The following FAM120C variants were observed in gnomAD, a reference collection of about 807,000 sequenced individuals.
The protein encoded by FAM120C is constitutive coactivator of PPAR-gamma-like protein 2.
Under a neutral mutation model 71.2 loss-of-function variants are expected in FAM120C, and 14 were observed. The ratio of observed to expected loss-of-function variants is 0.20; its 90% confidence interval spans 0.13 to 0.31. The LOEUF (loss-of-function observed/expected upper bound fraction) is 0.31, where lower values mean the gene tolerates loss of function less well. FAM120C is among the 10% of genes least tolerant of loss of function. FAM120C has a pLI of 1.00. For missense variants in FAM120C, 500 were observed against 879.0 expected, an observed-to-expected ratio of 0.57 and a Z score of 5.45; for synonymous variants, 354 against 353.2, an observed-to-expected ratio of 1.00 and a Z score of -0.03.
intron 9 of FAM120C, among the ~76,000 whole-genome samples, chrX:54,131,933 T>C (rs1400702947): frequency 9.5e-6 from 1 of 105,228 alleles, no homozygotes; most frequent in Non-Finnish European, 1.9e-5. Flanking sequence ...TTGTATTTTT[T>C]AGTAGAGATG....
At chrX:54,078,729 A>G (rs1302418634) in intron 15 of FAM120C, among the ~76,000 whole-genome samples, 2 of 110,855 alleles carry the variant, frequency 1.8e-5, no homozygotes, top group African/African-American at 3.3e-5. Flanking sequence ...CTGCTATACT[A>G]TAAGAAGCCC....
At chrX:54,075,033 C>T (rs1041140253) in intron 15 of FAM120C, among the ~76,000 whole-genome samples, 7 of 111,498 alleles carry the variant, frequency 6.3e-5, no homozygotes, top group Non-Finnish European at 1.3e-4. Context: ...TGGCATGCAC[C>T]TGTAGTCCAA....
At chrX:54,162,745 A>G (rs782415817) in intron 1 of FAM120C, among the ~76,000 whole-genome samples, 28 of 112,070 alleles carry the variant, frequency 2.5e-4, no homozygotes, top group South Asian at 1.5e-3. Flanking sequence ...TTAAGTACCT[A>G]CTATGTACCA....
chrX:54,075,593 T>C (rs932748612), intron 15 of FAM120C, among the ~76,000 whole-genome samples: 2 of 107,402 alleles, frequency 1.9e-5, no homozygotes, highest in Non-Finnish European at 3.9e-5. Context: ...GGTCAGGGGT[T>C]GAGCACCAGC....
intron 10 of FAM120C, among the ~76,000 whole-genome samples, chrX:54,100,504 TAAAC>T (rs1441516375): frequency 4.7e-5 from 5 of 106,039 alleles, no homozygotes; most frequent in Admixed American, 3.1e-4. Context: ...AACAAACAAA[TAAAC>T]AAACAAACAA....
Position 54,080,308 on chromosome X carries a change from A to G in FAM120C, c.2979-19T>C, listed in dbSNP as rs782123804. On this transcript the variant is annotated intron_variant, in intron 14 of 15. Transcript: ENST00000375180. ...TCCATGCCTTTAGCAAGTGAGAAAA[A>G]AAGTGATCATGAGAAACATAAAGCC... The G allele has an allele frequency of 5.1e-6, 6 of 1,180,097 alleles. No individual in the cohort carries two copies. Among genetic ancestry groups the G allele is most frequent in the Non-Finnish European group, 6.9e-6 (6 of 870,169 alleles).
Position 54,069,059 on chromosome X carries a change from G to T in FAM120C, c.*3974C>A, listed in dbSNP as rs2066699628. 1.8e-5 allele frequency: 2 copies of T among 111,345 alleles called. No homozygotes were observed. The highest frequency in any genetic ancestry group is 6.5e-5 in the African/African-American group (2 of 30,597). 9.2% of individuals were successfully genotyped at this position (111,345 alleles called of 1,213,427 possible). ...GCTGAAATGGGCACCCTAGCACAGG[G>T]GATTTTTTTATTTTGCTTTTAACTT... On this transcript the variant is annotated 3_prime_UTR_variant, in exon 16 of 16. Coordinates refer to ENST00000375180, the MANE Select transcript of FAM120C (RefSeq NM_017848.6).
intron 1 of FAM120C, among the ~76,000 whole-genome samples, chrX:54,173,556 A>G (rs1407691964): frequency 1.8e-5 from 2 of 112,447 alleles, no homozygotes; most frequent in African/African-American, 6.5e-5. Context: ...CTGTATACTG[A>G]TATTTCTTAC....
At chrX:54,075,523 G>A (rs782719487) in intron 15 of FAM120C, among the ~76,000 whole-genome samples, 1 of 112,193 alleles carries the variant, frequency 8.9e-6, no homozygotes, top group Non-Finnish European at 1.9e-5. Flanking sequence ...AGGCGGCCAG[G>A]CGCTGTGGCT....
At chrX:54,145,498 A>C (rs937477358) in intron 4 of FAM120C, among the ~76,000 whole-genome samples, 1 of 112,342 alleles carries the variant, frequency 8.9e-6, no homozygotes, top group African/African-American at 3.2e-5. Context: ...TGGGTGAAGG[A>C]TATGAAAAGA....
At chrX:54,163,578 A>C (rs2067244441) in intron 1 of FAM120C, among the ~76,000 whole-genome samples, 1 of 111,369 alleles carries the variant, frequency 9.0e-6, no homozygotes, top group Non-Finnish European at 1.9e-5. Flanking sequence ...AATCTTCTGG[A>C]ATTAGTGGTG....
At chrX:54,110,570 T>G (rs1557125539) in intron 10 of FAM120C, among the ~76,000 whole-genome samples, 1 of 110,937 alleles carries the variant, frequency 9.0e-6, no homozygotes, top group Non-Finnish European at 1.9e-5. Flanking sequence ...ACTGTACTAT[T>G]ATTCTAATTT....
intron 10 of FAM120C, among the ~76,000 whole-genome samples, chrX:54,110,831 G>A (rs139447640): frequency 0.029 from 3,237 of 110,680 alleles, 119 homozygotes; most frequent in African/African-American, 0.1. Context: ...AGGCTGAGGC[G>A]GGAGGATCAC....
chrX:54,084,864 A>G lies in FAM120C; in HGVS notation c.2839+851T>C, dbSNP rs1212371314. Reference sequence around the variant, plus strand: ...AATTTATACATATGTTTGTGTGTACATATGTGTGTGTGTGTGTATGTTTTC... The same window carrying G: ...AATTTATACATATGTTTGTGTGTACGTATGTGTGTGTGTGTGTATGTTTTC... On this transcript the variant is annotated intron_variant, in intron 13 of 15. Transcript: ENST00000375180. Among the ~76,000 whole-genome samples the G allele has an allele frequency of 3.1e-4, 35 of 111,863 alleles. No homozygotes were observed. In the Admixed American group the frequency reaches 3.3e-3, roughly 10 times the overall value.
chrX:54,145,493 G>A (rs1410384716), intron 4 of FAM120C, among the ~76,000 whole-genome samples: 1 of 112,023 alleles, frequency 8.9e-6, no homozygotes, highest in Non-Finnish European at 1.9e-5. Context: ...AAAAGTGGGT[G>A]AAGGATATGA....
At chrX:54,099,708 A>G (rs1274251401) in intron 10 of FAM120C, among the ~76,000 whole-genome samples, 1 of 112,300 alleles carries the variant, frequency 8.9e-6, no homozygotes, top group African/African-American at 3.2e-5. Context: ...ATATCCAACC[A>G]TCTGTTGTAA....
chrX:54,181,956 G>A (rs1307642096), intron 1 of FAM120C, among the ~76,000 whole-genome samples: 3 of 112,247 alleles, frequency 2.7e-5, no homozygotes, highest in Non-Finnish European at 5.6e-5. Flanking sequence ...AAGGCAGGAG[G>A]AAGAAGATGC....
chrX:54,183,249 C>G lies in FAM120C; in HGVS notation c.-51G>C, dbSNP rs2067367056. 3 of 873,625 alleles carry G rather than the reference C, an allele frequency of 3.4e-6. No homozygotes were observed. The highest frequency in any genetic ancestry group is 4.3e-6 in the Non-Finnish European group (3 of 695,061). 72.0% of individuals were successfully genotyped at this position (873,625 alleles called of 1,213,427 possible). A position where few individuals can be genotyped will look rare whatever the true frequency, so the allele number is the denominator to read the frequency against. ...GCGGCTGCGCAAGCAGGATAGGCGA[C>G]GATCTGGGCGCGAAGCTGGGGGCGG... On this transcript the variant is annotated 5_prime_UTR_variant, in exon 1 of 16. Transcript: ENST00000375180.
At chrX:54,098,803 T>A (rs1310309618) in intron 10 of FAM120C, among the ~76,000 whole-genome samples, 1 of 109,719 alleles carries the variant, frequency 9.1e-6, no homozygotes, top group African/African-American at 3.3e-5. Flanking sequence ...GTATTTTTAG[T>A]AGAGACAGGG....
Sources: gnomAD v4.1 joint callset for allele counts (sites outside exome capture counted in the v4.1 genomes callset) on GRCh38, gnomAD v4.1.1 for gene constraint, MANE v1.5 for transcripts, NCBI Gene and HGNC (gene_info 2026-07-23, HGNC 2026-07-21) for gene names.